SRD5A2: variants seen among roughly 807,000 people sequenced by gnomAD.
SRD5A2 encodes the protein 3-oxo-5-alpha-steroid 4-dehydrogenase 2.
Under a neutral mutation model 27.4 loss-of-function variants are expected in SRD5A2, and 30 were observed. That is an observed-to-expected ratio of 1.10 (90% CI 0.82 to 1.49). SRD5A2 has a LOEUF of 1.49. SRD5A2 is among the 40% of genes most tolerant of loss of function. The pLI, the probability that SRD5A2 is intolerant of heterozygous loss-of-function variation, is 0.00. For missense variants in SRD5A2, 348 were observed against 323.4 expected, an observed-to-expected ratio of 1.08 and a Z score of -0.58; for synonymous variants, 141 against 133.6, an observed-to-expected ratio of 1.06 and a Z score of -0.38.
At chr2:31,610,675 C>A in the SRD5A2 span, among the ~76,000 whole-genome samples, 5 of 152,074 alleles carry the variant, frequency 3.3e-5, no homozygotes, top group Admixed American at 3.3e-4. Flanking sequence ...AGCATTCACA[C>A]AGAAAAAGAA....
chr2:31,591,594 C>A, the SRD5A2 span, among the ~76,000 whole-genome samples: 1 of 151,698 alleles, frequency 6.6e-6, no homozygotes, highest in African/African-American at 2.4e-5. Flanking sequence ...TGGGTATACA[C>A]CCAAAGGATT....
chr2:31,559,674 T>A (rs1045958498), intron 1 of SRD5A2, among the ~76,000 whole-genome samples: 89 of 152,056 alleles, frequency 5.9e-4, no homozygotes, highest in African/African-American at 2.1e-3. Flanking sequence ...AGGAGGCAAA[T>A]GAAAATAAAG....
intron 1 of SRD5A2, among the ~76,000 whole-genome samples, chr2:31,554,924 C>CGTGTGTGTGTGTGTGT (rs59697517): frequency 4.5e-5 from 6 of 132,204 alleles, no homozygotes; most frequent in South Asian, 2.6e-4. Context: ...CTATCCTGAT[C>CGTGTGTGTGTGTGTGT]GTGTGTGTGT....
intron 1 of SRD5A2, among the ~76,000 whole-genome samples, chr2:31,557,831 A>G (rs892361725): frequency 6.6e-6 from 1 of 152,172 alleles, no homozygotes; most frequent in Non-Finnish European, 1.5e-5. Context: ...CCTGAACAAA[A>G]AGGAACTCAT....
the SRD5A2 span, among the ~76,000 whole-genome samples, chr2:31,633,587 G>C: frequency 6.6e-6 from 1 of 152,156 alleles, no homozygotes; most frequent in Non-Finnish European, 1.5e-5. Flanking sequence ...GGACCGGCCT[G>C]CTATTCCATA....
intron 3 of SRD5A2, among the ~76,000 whole-genome samples, chr2:31,529,912 G>A (rs751390778): frequency 2.0e-5 from 3 of 152,140 alleles, no homozygotes; most frequent in Non-Finnish European, 2.9e-5. Flanking sequence ...TGAACTCACG[G>A]GAGAAGGAAT....
chr2:31,580,836 G>A lies in SRD5A2; in HGVS notation c.65C>T (p.Ala22Val). 1 of 1,612,014 alleles carries A rather than the reference G, an allele frequency of 6.2e-7. No individual in the cohort carries two copies. Among genetic ancestry groups the A allele is most frequent in the Non-Finnish European group, 8.5e-7 (1 of 1,179,402 alleles). The change falls in exon 1 of 5, where the codon GCA becomes GTA. Residue 22 changes from alanine (A) to valine (V), a missense_variant. Ala to Val is a moderately conservative substitution (Grantham distance 64). Transcript: ENST00000622030. ...GGGCTTCGCGACGTACAAGGCCAGT[G>A]CCCCAAGGGCGACCAAAGTGGCGCT... The part of the protein sequence containing the change: ...AGSATLVALG[A>V]LALYVAKPSG...
At chr2:31,559,018 C>T (rs1306616719) in intron 1 of SRD5A2, among the ~76,000 whole-genome samples, 1 of 152,168 alleles carries the variant, frequency 6.6e-6, no homozygotes, top group Non-Finnish European at 1.5e-5. Flanking sequence ...ATGCTTCAAC[C>T]CAGTACACAG....
the SRD5A2 span, among the ~76,000 whole-genome samples, chr2:31,602,076 A>C: frequency 6.6e-6 from 1 of 152,064 alleles, no homozygotes; most frequent in Non-Finnish European, 1.5e-5. Flanking sequence ...GGCAAGAAAA[A>C]GAAATAAAGT....
the SRD5A2 span, among the ~76,000 whole-genome samples, chr2:31,650,391 A>G: frequency 3.9e-5 from 6 of 152,304 alleles, no homozygotes; most frequent in East Asian, 1.9e-4. Flanking sequence ...GTGAAGAAAG[A>G]ATAGTAAGGA....
At chr2:31,585,330 G>A (rs1474598589), upstream of SRD5A2, among the ~76,000 whole-genome samples, 1 of 152,092 alleles carries the variant, frequency 6.6e-6, no homozygotes, top group African/African-American at 2.4e-5. Context: ...GGGCAGCCAA[G>A]GGAGTGCTGG....
intron 1 of SRD5A2, among the ~76,000 whole-genome samples, chr2:31,565,250 CAA>C (rs926515592): frequency 1.3e-5 from 2 of 151,348 alleles, no homozygotes; most frequent in Admixed American, 1.3e-4. Flanking sequence ...ATACTAAATC[CAA>C]AAGATGGAAT....
At chr2:31,580,481 G>A (rs1667049967) in intron 1 of SRD5A2, 139 bp downstream of exon 1, 17 of 1,118,080 alleles carry the variant, frequency 1.5e-5, no homozygotes, top group Non-Finnish European at 1.8e-5. Flanking sequence ...AGGTGCGCCA[G>A]GCAGGCTGGC....
In SRD5A2 at chr2:31,533,585, G is replaced by C; in HGVS notation, c.445+18C>G. On this transcript the variant is annotated intron_variant, in intron 2 of 4. Coordinates refer to ENST00000622030, the MANE Select transcript of SRD5A2 (RefSeq NM_000348.4). ...TTGTTAGCTGGGAAGTAGGTGAGAAGTGGGCAGATTCACTTACCCAAGCTA... is the reference window on the plus strand; with the variant it reads ...TTGTTAGCTGGGAAGTAGGTGAGAACTGGGCAGATTCACTTACCCAAGCTA... 3.2e-6 allele frequency: 5 copies of C among 1,549,896 alleles called. No homozygotes were observed. The highest frequency in any genetic ancestry group is 4.4e-6 in the Non-Finnish European group (5 of 1,145,752).
At position 31,524,873 on chromosome 2, in the gene SRD5A2, G is replaced by C. The variant is rs1466311339; in HGVS notation, c.*1323C>G. On this transcript the variant is annotated 3_prime_UTR_variant, in exon 5 of 5. Transcript: ENST00000622030. ...TCCATATCTCAGCACTCATGCTGGG[G>C]TGACCCCTTCACAAGAGTTTGCAAA... 4.4e-6 allele frequency: 1 copy of C among 226,944 alleles called. No homozygotes were observed. Among genetic ancestry groups the C allele is most frequent in the East Asian group, 6.3e-5 (1 of 15,906 alleles). 14.1% of individuals were successfully genotyped at this position (226,944 alleles called of 1,614,324 possible). A position where few individuals can be genotyped will look rare whatever the true frequency, so the allele number is the denominator to read the frequency against.
At chr2:31,633,237 G>A in the SRD5A2 span, among the ~76,000 whole-genome samples, 20 of 152,172 alleles carry the variant, frequency 1.3e-4, no homozygotes, top group Admixed American at 6.5e-5. Context: ...CCCTCGGGAT[G>A]GCTAGCCACT....
intron 1 of SRD5A2, among the ~76,000 whole-genome samples, chr2:31,560,034 C>A (rs1334543036): frequency 6.8e-6 from 1 of 146,298 alleles, no homozygotes; most frequent in Non-Finnish European, 1.5e-5. Context: ...TACGTTCCCA[C>A]AATATCTATG....
In SRD5A2 at chr2:31,523,503, C is replaced by T. The variant is rs1220863361; in HGVS notation, c.*2693G>A. On this transcript the variant is annotated 3_prime_UTR_variant, in exon 5 of 5. Coordinates refer to ENST00000622030, the MANE Select transcript of SRD5A2 (RefSeq NM_000348.4). Reference sequence around the variant, plus strand: ...CTTTTAACTCTGTGGGTCTCAGTGTCACTACCTATAATGTGAAGTGGTAGG... The same window carrying T: ...CTTTTAACTCTGTGGGTCTCAGTGTTACTACCTATAATGTGAAGTGGTAGG... 9.1e-6 allele frequency: 2 copies of T among 220,990 alleles called. No homozygotes were observed. The highest frequency in any genetic ancestry group is 4.5e-5 in the African/African-American group (2 of 44,664). The allele number at this position is 220,990 out of a possible 1,614,324, so 13.7% of individuals were successfully genotyped here. A position where few individuals can be genotyped will look rare whatever the true frequency, so the allele number is the denominator to read the frequency against.
chr2:31,627,708 C>T, the SRD5A2 span, among the ~76,000 whole-genome samples: 1 of 151,974 alleles, frequency 6.6e-6, no homozygotes, highest in South Asian at 2.1e-4. Context: ...TTGAATCCTG[C>T]CTTAATTTCA....
Sources: allele counts gnomAD v4.1 joint callset (sites outside exome capture counted in the v4.1 genomes callset), GRCh38; gene constraint gnomAD v4.1.1; transcripts MANE v1.5; gene names NCBI Gene and HGNC (gene_info 2026-07-23, HGNC 2026-07-21).